Variants in NFATC1 observed in about 807,000 individuals in gnomAD.
NFATC1 encodes the protein nuclear factor of activated T cells 1, also known as nuclear factor of activated T-cells, cytoplasmic 1.
In NFATC1, 22 loss-of-function variants were observed where a neutral mutation model predicts 76.0. The observed-to-expected ratio is 0.29, with a 90% CI of 0.21 to 0.41. The LOEUF (loss-of-function observed/expected upper bound fraction) is 0.41, where lower values mean the gene tolerates loss of function less well. Among genes scored for constraint, NFATC1 ranks in the 10% least tolerant of loss-of-function variants. NFATC1 has a pLI of 1.00. For missense variants in NFATC1, 1,357 were observed against 1,337.7 expected, an observed-to-expected ratio of 1.01 and a Z score of -0.23; for synonymous variants, 704 against 613.1, an observed-to-expected ratio of 1.15 and a Z score of -2.19.
chr18:79,430,143 T>G (rs1006201483), intron 2 of NFATC1, among the ~76,000 whole-genome samples: 1 of 152,238 alleles, frequency 6.6e-6, no homozygotes, highest in Non-Finnish European at 1.5e-5. Flanking sequence ...AATGTGTCCT[T>G]GTCATAAAGT....
intron 6 of NFATC1, among the ~76,000 whole-genome samples, chr18:79,453,112 G>A (rs891023708): frequency 1.3e-5 from 2 of 152,216 alleles, no homozygotes; most frequent in Non-Finnish European, 2.9e-5. Context: ...GTGCCTTCTC[G>A]GGAGGAGGCT....
chr18:79,456,342 C>G (rs996452508), intron 6 of NFATC1, among the ~76,000 whole-genome samples: 2 of 152,240 alleles, frequency 1.3e-5, no homozygotes, highest in Admixed American at 1.3e-4. Context: ...CCCTCCTGTC[C>G]GCCCAGAGAG....
chr18:79,506,255 G>A (rs530899765), intron 9 of NFATC1, among the ~76,000 whole-genome samples: 75 of 152,322 alleles, frequency 4.9e-4, no homozygotes, highest in African/African-American at 1.8e-3. Flanking sequence ...AGGAACAGTG[G>A]TCTCGGCCGA....
chr18:79,442,023 C>T (rs956567841), intron 3 of NFATC1, among the ~76,000 whole-genome samples: 6 of 152,286 alleles, frequency 3.9e-5, no homozygotes, highest in Admixed American at 2.0e-4. Context: ...GTGGCCCTGT[C>T]GGTGCTCTGG....
At chr18:79,456,354 C>A (rs531364941) in intron 6 of NFATC1, among the ~76,000 whole-genome samples, 1 of 152,204 alleles carries the variant, frequency 6.6e-6, no homozygotes, top group African/African-American at 2.4e-5. Flanking sequence ...CCCAGAGAGC[C>A]GGGTCAGAGG....
At chr18:79,400,352 C>T (rs1300057746) in intron 1 of NFATC1, 5 of 1,392,976 alleles carry the variant, frequency 3.6e-6, no homozygotes, top group South Asian at 1.4e-5. Context: ...CCCTGGCGGC[C>T]GCGACCCCGG....
chr18:79,476,123 G>T (rs550752194), intron 8 of NFATC1, among the ~76,000 whole-genome samples: 262 of 152,384 alleles, frequency 1.7e-3, no homozygotes, highest in Non-Finnish European at 3.4e-3. Context: ...GTGTGAGTCA[G>T]TGGGGAGGCT....
In NFATC1 at chr18:79,522,281, G is replaced by A. The variant is rs1477021383; in HGVS notation, c.2783-5247G>A. Among the ~76,000 whole-genome samples, 13 of 136,124 alleles carry A rather than the reference G, an allele frequency of 9.6e-5. 1 individual carries two copies. Among genetic ancestry groups the A allele is most frequent in the African/African-American group, 1.9e-4 (7 of 36,358 alleles). The allele number at this position is 136,124 out of a possible 152,430, so 89.3% of individuals were successfully genotyped here. On this transcript the variant is annotated intron_variant, in intron 9 of 9. Coordinates refer to ENST00000427363, the MANE Select transcript of NFATC1 (RefSeq NM_001278669.2). ...GTGTGTTTTGTGTGTAGAGGGGTGC[G>A]TCTACTGATGTCTGGGTGTAGGGGC... is the stretch of plus-strand genomic sequence containing the variant.
chr18:79,475,286 GCTCA>G (rs1175067316), intron 8 of NFATC1, among the ~76,000 whole-genome samples: 4 of 146,330 alleles, frequency 2.7e-5, no homozygotes, highest in Admixed American at 1.4e-4. Flanking sequence ...GTGTTCTCAC[GCTCA>G]CTGTCAACGT....
rs76797290 is a variant in NFATC1 at position 79,474,254 on chromosome 18, A to G, written c.2092+6672A>G. The stretch of plus-strand genomic sequence containing the variant: ...CTGAGGGAAGCGTGTTCTCGCGCTC[A>G]CTGTCGACGTAAACCTGAGGGAAGC... On this transcript the variant is annotated intron_variant, in intron 8 of 9. Transcript: ENST00000427363. 5.5e-3 allele frequency among the ~76,000 whole-genome samples: 348 copies of G among 63,106 alleles called. 27 individuals carry two copies. Among genetic ancestry groups the G allele is most frequent in the East Asian group, 0.032 (42 of 1,308 alleles). The allele number at this position is 63,106 out of a possible 152,430, so 41.4% of individuals were successfully genotyped here.
chr18:79,528,850 C>T lies in NFATC1; in HGVS notation c.*1273C>T, dbSNP rs1435719001. ...ACTCTGTACAATTAGTTGCTTATTACGTATGATTACTCACAGCGATCTATT... is the reference window on the plus strand; with the variant it reads ...ACTCTGTACAATTAGTTGCTTATTATGTATGATTACTCACAGCGATCTATT... On this transcript the variant is annotated 3_prime_UTR_variant, in exon 10 of 10. Coordinates refer to ENST00000427363, the MANE Select transcript of NFATC1 (RefSeq NM_001278669.2). The T allele has an allele frequency of 2.0e-5, 3 of 152,528 alleles. No individual in the cohort carries two copies. The highest frequency in any genetic ancestry group is 4.4e-5 in the Non-Finnish European group (3 of 68,046). The allele number at this position is 152,528 out of a possible 1,614,324, so 9.4% of individuals were successfully genotyped here.
intron 1 of NFATC1, among the ~76,000 whole-genome samples, chr18:79,406,278 G>A (rs971755576): frequency 1.3e-4 from 20 of 152,274 alleles, no homozygotes; most frequent in African/African-American, 4.6e-4. Flanking sequence ...AACAGGAAGT[G>A]TAGGAATCTG....
At chr18:79,433,976 C>T (rs979130443) in intron 3 of NFATC1, among the ~76,000 whole-genome samples, 1 of 152,260 alleles carries the variant, frequency 6.6e-6, no homozygotes, top group Non-Finnish European at 1.5e-5. Context: ...CGAAGCAGCT[C>T]TCGTATCCGT....
At chr18:79,411,584 G>T in intron 2 of NFATC1, 83 bp downstream of exon 2, 3 of 1,066,870 alleles carry the variant, frequency 2.8e-6, no homozygotes, top group Non-Finnish European at 3.5e-6. Context: ...ACGGGGGGCG[G>T]CGCGGGGCGG....
chr18:79,503,949 CT>C (rs1192057519), intron 9 of NFATC1, among the ~76,000 whole-genome samples: 1 of 152,132 alleles, frequency 6.6e-6, no homozygotes, highest in Non-Finnish European at 1.5e-5. Context: ...TGGCTTCAAA[CT>C]TTTTTTTCTG....
chr18:79,420,752 A>C (rs1265203976), intron 2 of NFATC1: 2 of 121,100 alleles, frequency 1.7e-5, no homozygotes, highest in Admixed American at 1.6e-4. Context: ...GAGGAAGAGG[A>C]GGACGCGTTT....
chr18:79,478,786 G>A (rs1278633945), intron 8 of NFATC1, among the ~76,000 whole-genome samples: 2 of 152,310 alleles, frequency 1.3e-5, no homozygotes, highest in South Asian at 2.1e-4. Context: ...AGCTCCCAAC[G>A]TCACTGCTAC....
At chr18:79,408,089 GGCT>G (rs1225153417) in intron 1 of NFATC1, among the ~76,000 whole-genome samples, 2 of 152,226 alleles carry the variant, frequency 1.3e-5, no homozygotes, top group African/African-American at 4.8e-5. Flanking sequence ...CCTCTTACCA[GGCT>G]GCCGTGCCGT....
At chr18:79,400,263 G>GGGGGCGGGGGC (rs1555896602) in intron 1 of NFATC1, 21 of 1,169,704 alleles carry the variant, frequency 1.8e-5, no homozygotes, top group Admixed American at 4.6e-5. Context: ...CCCGGGGGGC[G>GGGGGCGGGGGC]GGGGCGGGGC....
Sources: allele counts gnomAD v4.1 joint callset (sites outside exome capture counted in the v4.1 genomes callset), GRCh38; gene constraint gnomAD v4.1.1; transcripts MANE v1.5; gene names NCBI Gene and HGNC (gene_info 2026-07-23, HGNC 2026-07-21).